The following SYT17 variants were observed in gnomAD, a reference collection of about 807,000 sequenced individuals.
SYT17 encodes the protein synaptotagmin-17.
Under a neutral mutation model 46.7 loss-of-function variants are expected in SYT17, and 22 were observed. The observed-to-expected ratio is 0.47, with a 90% CI of 0.34 to 0.67. The LOEUF is 0.67. SYT17 is among the 30% of genes least tolerant of loss of function. The pLI is 0.01. For missense variants in SYT17, 519 were observed against 612.8 expected, an observed-to-expected ratio of 0.85 and a Z score of 1.62; for synonymous variants, 251 against 248.4, an observed-to-expected ratio of 1.01 and a Z score of -0.10.
At chr16:19,201,470 C>T (rs1488766062) in intron 5 of SYT17, among the ~76,000 whole-genome samples, 2 of 152,036 alleles carry the variant, frequency 1.3e-5, no homozygotes, top group Non-Finnish European at 2.9e-5. Context: ...GTGTCAGCCC[C>T]ACCCAAATCA....
intron 1 of SYT17, chr16:19,172,352 A>G (rs1964129861): frequency 7.2e-7 from 1 of 1,383,612 alleles, no homozygotes; most frequent in Non-Finnish European, 9.3e-7. Context: ...GCCTGCCTGC[A>G]TGTTAGCTAA....
At chr16:19,189,652 A>G (rs1395911906) in intron 5 of SYT17, among the ~76,000 whole-genome samples, 1 of 152,154 alleles carries the variant, frequency 6.6e-6, no homozygotes, top group African/African-American at 2.4e-5. Flanking sequence ...AGCTGCCCTG[A>G]TTGCTGATTT....
At chr16:19,253,111 G>T (rs576020257) in intron 7 of SYT17, among the ~76,000 whole-genome samples, 2 of 152,292 alleles carry the variant, frequency 1.3e-5, no homozygotes, top group South Asian at 4.1e-4. Context: ...TCCTGATTTT[G>T]TAAATAAAGT....
At chr16:19,212,737 T>C (rs978767514) in intron 5 of SYT17, among the ~76,000 whole-genome samples, 5 of 152,226 alleles carry the variant, frequency 3.3e-5, no homozygotes, top group African/African-American at 1.2e-4. Flanking sequence ...TCCAATCTTA[T>C]CTCACTAAAT....
At chr16:19,220,918 A>G (rs1966292710) in intron 5 of SYT17, among the ~76,000 whole-genome samples, 2 of 152,120 alleles carry the variant, frequency 1.3e-5, no homozygotes, top group Non-Finnish European at 2.9e-5. Context: ...CTGTCTGGGC[A>G]TGATGGCTCA....
chr16:19,194,881 A>G (rs1270223194), intron 5 of SYT17, among the ~76,000 whole-genome samples: 1 of 152,220 alleles, frequency 6.6e-6, no homozygotes, highest in Non-Finnish European at 1.5e-5. Flanking sequence ...TGCAGATGTG[A>G]GCCATCACGC....
intron 7 of SYT17, among the ~76,000 whole-genome samples, chr16:19,244,032 G>A (rs1032992194): frequency 2.0e-5 from 3 of 152,188 alleles, no homozygotes; most frequent in Non-Finnish European, 4.4e-5. Context: ...ACTTGGGCGA[G>A]GGGCAGGAGT....
intron 1 of SYT17, among the ~76,000 whole-genome samples, chr16:19,169,149 G>A (rs565724561): frequency 4.7e-4 from 72 of 152,242 alleles, no homozygotes; most frequent in African/African-American, 1.6e-3. Flanking sequence ...GGTGCTGAGG[G>A]GTGGGGGACA....
chr16:19,196,726 C>T (rs1965261021), intron 5 of SYT17, among the ~76,000 whole-genome samples: 3 of 152,186 alleles, frequency 2.0e-5, no homozygotes, highest in African/African-American at 4.8e-5. Context: ...CCTACACTGA[C>T]ACATCATTAT....
rs1969449493 is a variant in SYT17, at chr16:19,267,569, C to T, written c.*493C>T. 1 of 152,544 alleles carries T rather than the reference C, an allele frequency of 6.6e-6. No individual in the cohort carries two copies. The highest frequency in any genetic ancestry group is 1.5e-5 in the Non-Finnish European group (1 of 68,312). The allele number at this position is 152,544 out of a possible 1,614,324, so 9.4% of individuals were successfully genotyped here. ...CTGCTGTTCCCTGGGGTTCTTCAAA[C>T]CTGATACCTTTCTCCAAAGGTGTAA... is the stretch of plus-strand genomic sequence containing the variant. On this transcript the variant is annotated 3_prime_UTR_variant, in exon 8 of 8. Transcript: ENST00000355377.
Position 19,249,830 on chromosome 16 carries a change from G to A in SYT17, c.1229-17050G>A, listed in dbSNP as rs1967903081. 10 of 1,126,400 alleles carry A rather than the reference G, an allele frequency of 8.9e-6. 1 individual carries two copies. The South Asian group carries it at 1.7e-4, about 19-fold the overall frequency. The allele number at this position is 1,126,400 out of a possible 1,614,324, so 69.8% of individuals were successfully genotyped here. On this transcript the variant is annotated intron_variant, in intron 7 of 7. Coordinates refer to ENST00000355377, the MANE Select transcript of SYT17 (RefSeq NM_016524.4). The stretch of plus-strand genomic sequence containing the variant: ...TGGCCATGCATGGTCTGTTATTGGA[G>A]TCATTGGGATAACCTGGAGTCACTG...
chr16:19,266,354 C>T (rs745657175), intron 7 of SYT17, among the ~76,000 whole-genome samples: 2 of 152,206 alleles, frequency 1.3e-5, no homozygotes, highest in Non-Finnish European at 2.9e-5. Flanking sequence ...GCTTCTAGTA[C>T]GTAGGTACCC....
chr16:19,188,513 C>CAAAAAAAAAAAAAAAAAAA (rs61202540), intron 5 of SYT17, among the ~76,000 whole-genome samples: 23 of 64,584 alleles, frequency 3.6e-4, no homozygotes, highest in African/African-American at 1.1e-3. Context: ...TTCAGTTCTG[C>CAAAAAAAAAAAAAAAAAAA]AAAAAAAAAA....
At chr16:19,232,913 C>A (rs1416573735) in intron 7 of SYT17, among the ~76,000 whole-genome samples, 1 of 152,154 alleles carries the variant, frequency 6.6e-6, no homozygotes, top group Non-Finnish European at 1.5e-5. Context: ...GACTCCCTAA[C>A]CCTGTCTGTA....
Position 19,223,097 on chromosome 16 carries a change from C to G in SYT17, c.1004C>G (p.Ala335Gly). 1.2e-6 allele frequency: 2 copies of G among 1,614,034 alleles called. No individual in the cohort carries two copies. Among genetic ancestry groups the G allele is most frequent in the Non-Finnish European group, 1.7e-6 (2 of 1,179,960 alleles). The change falls in exon 6 of 8, where the codon GCT becomes GGT. Residue 335 changes from alanine (A) to glycine (G), a missense_variant. By Grantham distance (60) the Ala-to-Gly change is moderately conservative. Transcript: ENST00000355377. ...CTGTCACTGAATTATCTCCCAAGTG[C>G]TGGCAGACTGAATGTTGATGTCATT... ...LLLSLNYLPS[A>G]GRLNVDVIRA...
chr16:19,242,832 G>A (rs910323765), intron 7 of SYT17, among the ~76,000 whole-genome samples: 1 of 152,122 alleles, frequency 6.6e-6, no homozygotes, highest in Non-Finnish European at 1.5e-5. Flanking sequence ...CCCAGCCTTA[G>A]ATGGTGAGTG....
chr16:19,180,658 T>G, intron 4 of SYT17, 119 bp downstream of exon 4: 1 of 1,214,408 alleles, frequency 8.2e-7, no homozygotes, highest in Non-Finnish European at 1.2e-6. Context: ...GGGATGACAG[T>G]CCAGGAGACA....
At chr16:19,175,387 C>G (rs1243806442) in intron 3 of SYT17, among the ~76,000 whole-genome samples, 8 of 151,740 alleles carry the variant, frequency 5.3e-5, no homozygotes. Flanking sequence ...GGTGCCGTGG[C>G]TCTCATCTGT....
At chr16:19,179,585 G>C (rs540638198) in intron 3 of SYT17, among the ~76,000 whole-genome samples, 41 of 152,262 alleles carry the variant, frequency 2.7e-4, no homozygotes, top group African/African-American at 9.6e-4. Context: ...TTTTATATGT[G>C]TTAACTCATT....
Sources: allele counts gnomAD v4.1 joint callset (sites outside exome capture counted in the v4.1 genomes callset), GRCh38; gene constraint gnomAD v4.1.1; transcripts MANE v1.5; gene names NCBI Gene and HGNC (gene_info 2026-07-23, HGNC 2026-07-21).